PAPOLA: variants seen among roughly 807,000 people sequenced by gnomAD.
PAPOLA encodes poly(A) polymerase alpha.
A neutral mutation model predicts 100.6 loss-of-function variants in PAPOLA; 15 were observed. The observed-to-expected ratio is 0.15, with a 90% CI of 0.10 to 0.23. The LOEUF (loss-of-function observed/expected upper bound fraction) is 0.23. Ranked by LOEUF, PAPOLA falls within the 10% of genes least tolerant of loss-of-function variation. PAPOLA has a pLI of 1.00. For missense variants in PAPOLA, 533 were observed against 884.2 expected, an observed-to-expected ratio of 0.60 and a Z score of 5.04; for synonymous variants, 293 against 300.0, an observed-to-expected ratio of 0.98 and a Z score of 0.24.
chr14:96,538,580 A>G (rs1413309776), intron 12 of PAPOLA, among the ~76,000 whole-genome samples: 1 of 152,032 alleles, frequency 6.6e-6, no homozygotes, highest in Non-Finnish European at 1.5e-5. Context: ...AGCAGCAACA[A>G]ATAGAGGAAA....
Position 96,555,912 on chromosome 14 carries a change from C to A in PAPOLA, c.1730C>A (p.Ser577Tyr). The A allele has an allele frequency of 6.2e-7, 1 of 1,610,434 alleles. No homozygotes were observed. The highest frequency in any genetic ancestry group is 8.5e-7 in the Non-Finnish European group (1 of 1,177,212). Residue 577 changes from serine (S) to tyrosine (Y), a missense_variant, in exon 18 of 22, where the codon TCT becomes TAT. Around this residue, in one of 9 missense-constraint regions of PAPOLA, gnomAD observed 242 missense variants for 281.0 expected, o/e 0.86. Coordinates refer to ENST00000216277, the MANE Select transcript of PAPOLA (RefSeq NM_032632.5). ...SVTNIQATEV[S>Y]VPQVNSSESS... ...ACCAACATACAGGCTACTGAAGTTT[C>A]TGTGCCACAAGTAAATTCCAGTGAA...
At chr14:96,541,935 A>G (rs1035608682) in intron 12 of PAPOLA, 1 of 190,314 alleles carries the variant, frequency 5.3e-6, no homozygotes, top group African/African-American at 2.3e-5. Context: ...CAGCTCTTTA[A>G]TTTTATAGGC....
At chr14:96,534,438 T>G (rs1899344443) in intron 9 of PAPOLA, 53 bp from the exon 10 acceptor site, 2 of 1,596,296 alleles carry the variant, frequency 1.3e-6, no homozygotes, top group Admixed American at 3.5e-5. Flanking sequence ...ACAAAATACG[T>G]TTAGATGGTA....
chr14:96,515,238 C>T (rs761701912), intron 1 of PAPOLA, among the ~76,000 whole-genome samples: 11 of 152,158 alleles, frequency 7.2e-5, no homozygotes, highest in African/African-American at 1.9e-4. Flanking sequence ...GAAAACTCCT[C>T]GTATTCTAAG....
chr14:96,529,808 A>T (rs764580078), intron 6 of PAPOLA, among the ~76,000 whole-genome samples: 6 of 152,176 alleles, frequency 3.9e-5, no homozygotes, highest in African/African-American at 7.2e-5. Context: ...CCATGAAATC[A>T]TACCCTCAGG....
chr14:96,516,852 GTATTCTA>G (rs1227568717), intron 1 of PAPOLA, among the ~76,000 whole-genome samples: 1 of 152,172 alleles, frequency 6.6e-6, no homozygotes, highest in Non-Finnish European at 1.5e-5. Flanking sequence ...ATCAGGGCCT[GTATTCTA>G]ATGTTCTAGT....
chr14:96,546,773 G>T (rs1449975564), intron 15 of PAPOLA, among the ~76,000 whole-genome samples: 16 of 152,062 alleles, frequency 1.1e-4, no homozygotes. Flanking sequence ...CTTGTGTGTT[G>T]AGAGTTTTTG....
In PAPOLA at chr14:96,565,840, A is replaced by C. The variant is rs565196687; in HGVS notation, c.*790A>C. ...GTTGTCTTCAAAACAAACAAACAAAAAAAGCTTCTTGCGCCTTTCCCTCCC... is the reference window on the plus strand; with the variant it reads ...GTTGTCTTCAAAACAAACAAACAAACAAAGCTTCTTGCGCCTTTCCCTCCC... On this transcript the variant is annotated 3_prime_UTR_variant, in exon 22 of 22. Transcript: ENST00000216277. The C allele has an allele frequency of 7.6e-6, 3 of 397,110 alleles. No homozygotes were observed. The highest frequency in any genetic ancestry group is 6.2e-4 in the Middle Eastern group (1 of 1,610). The allele number at this position is 397,110 out of a possible 1,614,324, so 24.6% of individuals were successfully genotyped here. A position where few individuals can be genotyped will look rare whatever the true frequency, so the allele number is the denominator to read the frequency against.
chr14:96,566,106 A>G lies in PAPOLA; in HGVS notation c.*1056A>G, dbSNP rs1468395110. On this transcript the variant is annotated 3_prime_UTR_variant, in exon 22 of 22. Coordinates refer to ENST00000216277, the MANE Select transcript of PAPOLA (RefSeq NM_032632.5). Reference sequence around the variant, plus strand: ...CTCTAAAAGGAATTTTGTACACTCCACAGAACTCCTATCTATAGTAAAATT... The same window carrying G: ...CTCTAAAAGGAATTTTGTACACTCCGCAGAACTCCTATCTATAGTAAAATT... 1 of 394,284 alleles carries G rather than the reference A, an allele frequency of 2.5e-6. No individual in the cohort carries two copies. Among genetic ancestry groups the G allele is most frequent in the Non-Finnish European group, 4.5e-6 (1 of 223,176 alleles). 24.4% of individuals were successfully genotyped at this position (394,284 alleles called of 1,614,324 possible).
chr14:96,544,230 C>A lies in PAPOLA; in HGVS notation c.1371C>A (p.Thr457=). Residue 457 remains threonine, a synonymous_variant, in exon 15 of 22, where the codon ACC becomes ACA. Transcript: ENST00000216277. ...CTGAAAACCTCAGTGTTGATCTCAC[C>A]TATGATATTCAGTCTTTCACAGATA... ...ENSENLSVDL[T]YDIQSFTDTV... is the part of the protein sequence containing the mutation. 1 of 1,574,018 alleles carries A rather than the reference C, an allele frequency of 6.4e-7. No individual in the cohort carries two copies. The highest frequency in any genetic ancestry group is 8.7e-7 in the Non-Finnish European group (1 of 1,145,674).
intron 9 of PAPOLA, chr14:96,534,136 A>AT (rs1899313047): frequency 3.9e-6 from 4 of 1,037,636 alleles, no homozygotes; most frequent in Non-Finnish European, 4.6e-6. Context: ...TGGAACTAGT[A>AT]TAAAGGCAGG....
intron 20 of PAPOLA, 39 bp downstream of exon 20, chr14:96,560,750 G>T: frequency 8.5e-7 from 1 of 1,176,288 alleles, no homozygotes. Flanking sequence ...ACACAATTAA[G>T]AGTACAGAAG....
At chr14:96,552,422 T>G in intron 16 of PAPOLA, 58 bp from the exon 17 acceptor site, 1 of 1,453,976 alleles carries the variant, frequency 6.9e-7, no homozygotes, top group East Asian at 2.3e-5. Context: ...AAGGTTTCCA[T>G]GTTTCAACAT....
intron 3 of PAPOLA, among the ~76,000 whole-genome samples, chr14:96,523,892 G>A (rs1395148596): frequency 6.6e-6 from 1 of 151,406 alleles, no homozygotes; most frequent in East Asian, 1.9e-4. Flanking sequence ...GCAGTAAGCC[G>A]AGATTGCGCC....
intron 1 of PAPOLA, among the ~76,000 whole-genome samples, chr14:96,519,232 C>A (rs1324232345): frequency 2.0e-5 from 3 of 151,986 alleles, no homozygotes; most frequent in Non-Finnish European, 2.9e-5. Context: ...GGCCTATAAA[C>A]ACTTAATTTC....
At chr14:96,511,132 A>G (rs1298733687) in intron 1 of PAPOLA, among the ~76,000 whole-genome samples, 1 of 152,270 alleles carries the variant, frequency 6.6e-6, no homozygotes, top group Non-Finnish European at 1.5e-5. Flanking sequence ...CATGCAAATA[A>G]TAAAGTGTTT....
chr14:96,520,608 C>A (rs1339056754), intron 2 of PAPOLA, among the ~76,000 whole-genome samples: 1 of 152,158 alleles, frequency 6.6e-6, no homozygotes, highest in Non-Finnish European at 1.5e-5. Flanking sequence ...AACTCCTGAG[C>A]CTTGGTCTCC....
intron 3 of PAPOLA, among the ~76,000 whole-genome samples, chr14:96,522,429 T>C (rs577289256): frequency 2.7e-4 from 41 of 152,058 alleles, no homozygotes; most frequent in African/African-American, 9.6e-4. Context: ...CTTTTTTTTT[T>C]TGAGACAGGG....
chr14:96,545,545 A>AT (rs922747965), intron 15 of PAPOLA, among the ~76,000 whole-genome samples: 1 of 151,894 alleles, frequency 6.6e-6, no homozygotes, highest in South Asian at 2.1e-4. Context: ...AAAATACTCT[A>AT]TTTTTTGTTT....
Sources: gnomAD v4.1 joint callset for allele counts (sites outside exome capture counted in the v4.1 genomes callset) on GRCh38, gnomAD v4.1.1 for gene constraint, gnomAD v4.1.1 regional missense constraint, MANE v1.5 for transcripts, NCBI Gene and HGNC (gene_info 2026-07-23, HGNC 2026-07-21) for gene names.